The following ADCY10 variants were observed in gnomAD, a reference collection of about 807,000 sequenced individuals.
ADCY10 encodes adenylate cyclase type 10.
A neutral mutation model predicts 183.3 loss-of-function variants in ADCY10; 156 were observed. The observed-to-expected ratio is 0.85, with a 90% confidence interval of 0.75 to 0.97. The LOEUF is 0.97. ADCY10 is among the 50% of genes least tolerant of loss of function. ADCY10 has a pLI of 0.00. For synonymous variants in ADCY10, 645 were observed against 670.0 expected, an observed-to-expected ratio of 0.96 and a Z score of 0.58; for missense variants, 1,745 against 1,934.3, an observed-to-expected ratio of 0.90 and a Z score of 1.84.
chr1:167,843,551 C>A (rs565856368), intron 21 of ADCY10, among the ~76,000 whole-genome samples: 87 of 152,052 alleles, frequency 5.7e-4, no homozygotes, highest in Non-Finnish European at 1.0e-3. Flanking sequence ...TCCAGTCTGT[C>A]CCCCTTATCC....
intron 23 of ADCY10, among the ~76,000 whole-genome samples, chr1:167,835,467 A>G (rs537538431): frequency 3.5e-4 from 54 of 152,348 alleles, no homozygotes; most frequent in African/African-American, 1.3e-3. Flanking sequence ...AGTGCCCTGG[A>G]ACCTTATTTA....
intron 13 of ADCY10, among the ~76,000 whole-genome samples, chr1:167,870,636 T>TAAAAAA (rs1667035553): frequency 4.1e-5 from 1 of 24,666 alleles, no homozygotes; most frequent in Non-Finnish European, 8.7e-5. Flanking sequence ...CTACTGAAAA[T>TAAAAAA]ACAAAAAAAA....
intron 25 of ADCY10, among the ~76,000 whole-genome samples, chr1:167,832,620 T>G (rs1663829082): frequency 6.6e-6 from 1 of 152,146 alleles, no homozygotes; most frequent in South Asian, 2.1e-4. Flanking sequence ...TAGCACCTAA[T>G]GGAAGAGGGC....
chr1:167,904,060 C>A, intron 2 of ADCY10, 69 bp from the exon 3 acceptor site: 2 of 1,003,902 alleles, frequency 2.0e-6, no homozygotes, highest in African/African-American at 1.6e-5. Context: ...AGAGGACTAC[C>A]CTGGAAGGCA....
chr1:167,870,273 G>A lies in ADCY10; in HGVS notation c.1600C>T (p.Gln534Ter). Residue 534 changes from glutamine (Q) to a stop codon, truncating the protein, a stop_gained, in exon 14 of 33, where the codon CAA becomes TAA. Transcript: ENST00000367851. LOFTEE classifies it high-confidence loss of function. ...QILMKIEYLA[Q>*]GKNHRIIAIS... ...GACACTCACCTGTGATTCTTACCTT[G>A]GGCCAGGTACTCAATTTTCATAAGT... 8.7e-6 allele frequency: 14 copies of A among 1,613,878 alleles called. No homozygotes were observed. Among genetic ancestry groups the A allele is most frequent in the South Asian group, 2.2e-5 (2 of 91,060 alleles).
chr1:167,810,477 CAT>C (rs1334813930), intron 32 of ADCY10, among the ~76,000 whole-genome samples: 1 of 152,144 alleles, frequency 6.6e-6, no homozygotes, highest in Non-Finnish European at 1.5e-5. Flanking sequence ...ATCCTTTTGA[CAT>C]GTGAGGACAC....
Position 167,870,234 on chromosome 1 carries a change from A to G in ADCY10, c.1616+23T>C. 1.9e-6 allele frequency: 3 copies of G among 1,613,902 alleles called. No individual in the cohort carries two copies. The South Asian group carries it at 3.3e-5, about 18-fold the overall frequency. ...ATCAGGATTCTATGGGTTCACACAG[A>G]ACAATCATTCCAAGACACTCACCTG... On this transcript the variant is annotated intron_variant, in intron 14 of 32. Transcript: ENST00000367851.
intron 8 of ADCY10, among the ~76,000 whole-genome samples, chr1:167,890,301 G>C (rs1668501546): frequency 1.3e-5 from 2 of 152,076 alleles, no homozygotes; most frequent in African/African-American, 4.8e-5. Flanking sequence ...GGTTCTTGCA[G>C]ACTTATAGAG....
At chr1:167,900,404 T>G (rs1009654083) in intron 5 of ADCY10, among the ~76,000 whole-genome samples, 5 of 152,182 alleles carry the variant, frequency 3.3e-5, no homozygotes, top group African/African-American at 1.2e-4. Context: ...CCAATCAGCA[T>G]GCAAGAGGGG....
At chr1:167,902,197 C>A (rs954953178) in intron 3 of ADCY10, 143 bp from the exon 4 acceptor site, 14 of 853,192 alleles carry the variant, frequency 1.6e-5, no homozygotes, top group African/African-American at 3.4e-5. Context: ...TCATCCCAGA[C>A]AAGCCACTTA....
intron 14 of ADCY10, among the ~76,000 whole-genome samples, chr1:167,867,973 A>G (rs1279512297): frequency 6.6e-6 from 1 of 152,152 alleles, no homozygotes; most frequent in African/African-American, 2.4e-5. Flanking sequence ...GAAATTAGTA[A>G]TTACAAATCC....
At chr1:167,820,323 G>A in intron 30 of ADCY10, 2 of 1,006,414 alleles carry the variant, frequency 2.0e-6, no homozygotes, top group Admixed American at 3.1e-5. Flanking sequence ...GGGACTAGCC[G>A]GCCTTGAGGG....
intron 18 of ADCY10, among the ~76,000 whole-genome samples, chr1:167,854,059 G>C (rs1665699852): frequency 6.6e-6 from 1 of 151,946 alleles, no homozygotes. Context: ...GGCTGGTCTT[G>C]AACTCCTGAC....
intron 8 of ADCY10, among the ~76,000 whole-genome samples, chr1:167,888,573 C>T (rs1194361683): frequency 6.6e-6 from 1 of 151,956 alleles, no homozygotes; most frequent in African/African-American, 2.4e-5. Flanking sequence ...TCCCTGTTAG[C>T]ATATAGAAAT....
chr1:167,899,890 C>T (rs914925985), intron 5 of ADCY10, among the ~76,000 whole-genome samples: 3 of 152,296 alleles, frequency 2.0e-5, no homozygotes, highest in East Asian at 1.9e-4. Context: ...CTACCAGTCC[C>T]CAAAGTTATT....
rs139955110 is a variant in ADCY10 at position 167,811,709 on chromosome 1, G to C, written c.4483-796C>G. On this transcript the variant is annotated intron_variant, in intron 31 of 32. Coordinates refer to ENST00000367851, the MANE Select transcript of ADCY10 (RefSeq NM_018417.6). ...AAGACTGGAGAGACAAACAGATGGA[G>C]ACTCACAAGTGGAAACCACTGTGGG... Among the ~76,000 whole-genome samples, 104 of 152,306 alleles carry C rather than the reference G, an allele frequency of 6.8e-4. 1 individual carries two copies. Among genetic ancestry groups the C allele is most frequent in the African/African-American group, 2.3e-3 (96 of 41,556 alleles).
At position 167,859,876 on chromosome 1, in the gene ADCY10, C is replaced by T. The variant is rs1666169498; in HGVS notation, c.1827G>A (p.Glu609=). The T allele has an allele frequency of 1.4e-5, 22 of 1,611,758 alleles. No homozygotes were observed. The highest frequency in any genetic ancestry group is 1.7e-5 in the Non-Finnish European group (20 of 1,178,008). Residue 609 remains glutamate, a synonymous_variant, in exon 16 of 33, where the codon GAG becomes GAA. Coordinates refer to ENST00000367851, the MANE Select transcript of ADCY10 (RefSeq NM_018417.6). ...TTTTCAAGGTGCTCATCCTGGAAAT[C>T]TCCCGAGAAATAGGGAACTGTACAA... is the stretch of plus-strand genomic sequence containing the variant. ...IFHVQFPISR[E]ISRMSTLKKQ...
At chr1:167,851,960 A>C in intron 18 of ADCY10, among the ~76,000 whole-genome samples, 1 of 152,166 alleles carries the variant, frequency 6.6e-6, no homozygotes, top group East Asian at 1.9e-4. Flanking sequence ...TATCATATTT[A>C]TTTTTTTAAT....
intron 12 of ADCY10, among the ~76,000 whole-genome samples, 199 bp from the exon 13 acceptor site, chr1:167,875,385 G>A (rs1008269204): frequency 6.6e-6 from 1 of 151,998 alleles, no homozygotes; most frequent in African/African-American, 2.4e-5. Context: ...AAAGAACTCA[G>A]GTAGCATCTG....
Sources: gnomAD v4.1 joint callset for allele counts (sites outside exome capture counted in the v4.1 genomes callset) on GRCh38, gnomAD v4.1.1 for gene constraint, MANE v1.5 for transcripts, NCBI Gene and HGNC (gene_info 2026-07-23, HGNC 2026-07-21) for gene names.